The following IPCEF1 variants were observed in gnomAD, a reference collection of about 807,000 sequenced individuals.
IPCEF1 encodes the protein interactor protein for cytohesin exchange factors 1.
IPCEF1 carries 31 observed loss-of-function variants against 50.9 expected under a neutral mutation model. The observed-to-expected ratio is 0.61, with a 90% CI of 0.46 to 0.82. IPCEF1 has a LOEUF of 0.82. Ranked by LOEUF, IPCEF1 falls within the 40% of genes least tolerant of loss-of-function variation. The pLI, the probability that IPCEF1 is intolerant of heterozygous loss-of-function variation, is 0.00. For missense variants in IPCEF1, 458 were observed against 514.0 expected, an observed-to-expected ratio of 0.89 and a Z score of 1.05; for synonymous variants, 181 against 192.0, an observed-to-expected ratio of 0.94 and a Z score of 0.47.
chr6:154,296,711 C>A (rs1360424828), intron 1 of IPCEF1, among the ~76,000 whole-genome samples: 2 of 151,904 alleles, frequency 1.3e-5, no homozygotes, highest in Non-Finnish European at 2.9e-5. Flanking sequence ...CGCCTGTAGT[C>A]CCAACTACTC....
At chr6:154,188,157 G>A (rs1801548072) in intron 10 of IPCEF1, among the ~76,000 whole-genome samples, 1 of 152,104 alleles carries the variant, frequency 6.6e-6, no homozygotes, top group Non-Finnish European at 1.5e-5. Context: ...AATTTAGAAA[G>A]TTTGATTCTT....
intron 9 of IPCEF1, among the ~76,000 whole-genome samples, chr6:154,206,813 G>A (rs957463494): frequency 4.6e-5 from 7 of 152,218 alleles, no homozygotes; most frequent in Admixed American, 1.3e-4. Context: ...CTACAGGTAC[G>A]AGGGCAGGAA....
intron 4 of IPCEF1, 118 bp from the exon 5 acceptor site, chr6:154,246,878 C>T (rs1253826012): frequency 6.0e-6 from 7 of 1,171,258 alleles, no homozygotes; most frequent in Non-Finnish European, 7.8e-6. Flanking sequence ...CCCCGGGGAG[C>T]TGGATTTTTC....
At chr6:154,320,408 C>T (rs2128686962) in intron 1 of IPCEF1, among the ~76,000 whole-genome samples, 1 of 152,270 alleles carries the variant, frequency 6.6e-6, no homozygotes, top group African/African-American at 2.4e-5. Context: ...AGATGAGACT[C>T]AATGAGTGCA....
intron 10 of IPCEF1, among the ~76,000 whole-genome samples, chr6:154,177,001 C>A (rs1800390128): frequency 6.6e-6 from 1 of 152,182 alleles, no homozygotes; most frequent in African/African-American, 2.4e-5. Context: ...CTACAACCAT[C>A]TGATCTGACA....
intron 1 of IPCEF1, among the ~76,000 whole-genome samples, chr6:154,305,772 A>G (rs1298361795): frequency 6.6e-6 from 1 of 152,146 alleles, no homozygotes; most frequent in African/African-American, 2.4e-5. Flanking sequence ...GGTGGGAGAA[A>G]TGGACTTGCT....
chr6:154,193,529 C>T (rs1022279354), intron 10 of IPCEF1, among the ~76,000 whole-genome samples: 6 of 152,202 alleles, frequency 3.9e-5, no homozygotes, highest in South Asian at 2.1e-4. Context: ...AATAAAAATA[C>T]GCATCTATCT....
At chr6:154,213,945 G>C in intron 8 of IPCEF1, among the ~76,000 whole-genome samples, 1 of 152,198 alleles carries the variant, frequency 6.6e-6, no homozygotes, top group East Asian at 1.9e-4. Flanking sequence ...TTAAACATTT[G>C]CATCGGTGAC....
chr6:154,229,646 G>C (rs1001097876), intron 5 of IPCEF1, among the ~76,000 whole-genome samples: 9 of 151,942 alleles, frequency 5.9e-5, no homozygotes, highest in Non-Finnish European at 1.0e-4. Flanking sequence ...GTGAGCCACC[G>C]TGCCCAGCAG....
intron 9 of IPCEF1, among the ~76,000 whole-genome samples, chr6:154,210,498 C>A (rs1777876199): frequency 6.6e-6 from 1 of 152,062 alleles, no homozygotes; most frequent in African/African-American, 2.4e-5. Flanking sequence ...CAACAAGGAA[C>A]ATTTTTTGAA....
intron 1 of IPCEF1, among the ~76,000 whole-genome samples, chr6:154,313,939 G>A (rs1214963726): frequency 2.0e-5 from 3 of 151,778 alleles, no homozygotes. Context: ...GTACAAATGG[G>A]ATCCCACTGT....
At chr6:154,172,612 T>C (rs1035194589) in intron 10 of IPCEF1, among the ~76,000 whole-genome samples, 1 of 152,146 alleles carries the variant, frequency 6.6e-6, no homozygotes, top group Non-Finnish European at 1.5e-5. Flanking sequence ...TGCTGAGGCT[T>C]GAGTAGGTGG....
intron 1 of IPCEF1, among the ~76,000 whole-genome samples, chr6:154,291,622 T>C (rs1782514216): frequency 6.6e-6 from 1 of 151,650 alleles, no homozygotes; most frequent in South Asian, 2.1e-4. Flanking sequence ...CTTCAGCATG[T>C]ACCTCCTAAG....
At chr6:154,329,733 T>C (rs77576934) in intron 1 of IPCEF1, among the ~76,000 whole-genome samples, 3 of 152,178 alleles carry the variant, frequency 2.0e-5, no homozygotes, top group Admixed American at 6.5e-5. Context: ...ATTTTTTTTT[T>C]CACCAATTCT....
chr6:154,194,079 G>C (rs1776383117), intron 10 of IPCEF1, among the ~76,000 whole-genome samples: 1 of 152,164 alleles, frequency 6.6e-6, no homozygotes, highest in South Asian at 2.1e-4. Flanking sequence ...GCAGATCACT[G>C]TTAATACCCG....
chr6:154,190,917 G>A (rs148637463), intron 10 of IPCEF1, among the ~76,000 whole-genome samples: 16 of 152,142 alleles, frequency 1.1e-4, no homozygotes, highest in African/African-American at 2.6e-4. Context: ...TTAGCTGGGC[G>A]TGGTGGCAGG....
At chr6:154,265,559 A>G (rs1421300040) in intron 3 of IPCEF1, among the ~76,000 whole-genome samples, 1 of 152,112 alleles carries the variant, frequency 6.6e-6, no homozygotes, top group Admixed American at 6.5e-5. Flanking sequence ...GATTACAGGC[A>G]TGAGCCACCG....
chr6:154,262,736 T>A (rs959444347), intron 3 of IPCEF1, among the ~76,000 whole-genome samples: 11 of 151,936 alleles, frequency 7.2e-5, no homozygotes, highest in Non-Finnish European at 1.5e-4. Context: ...TATGTCTTTG[T>A]TCCAAATAGT....
intron 1 of IPCEF1, among the ~76,000 whole-genome samples, chr6:154,316,383 A>C (rs1490462599): frequency 6.6e-6 from 1 of 152,224 alleles, no homozygotes; most frequent in Non-Finnish European, 1.5e-5. Context: ...TCCGGAACCA[A>C]ACCTGCAATA....
Sources: allele counts gnomAD v4.1 joint callset (sites outside exome capture counted in the v4.1 genomes callset), GRCh38; gene constraint gnomAD v4.1.1; transcripts MANE v1.5; gene names NCBI Gene and HGNC (gene_info 2026-07-23, HGNC 2026-07-21).